Variants in TATDN1 observed in about 807,000 individuals in gnomAD.
TATDN1 encodes the protein TatD DNase domain containing 1, also known as deoxyribonuclease TATDN1.
A neutral mutation model predicts 46.4 loss-of-function variants in TATDN1; 40 were observed. The observed-to-expected ratio is 0.86, with a 90% CI of 0.67 to 1.12. The LOEUF (loss-of-function observed/expected upper bound fraction) is 1.12, where lower values mean the gene tolerates loss of function less well. Among genes scored for constraint, TATDN1 ranks in the 50% most tolerant of loss-of-function variants. TATDN1 has a pLI of 0.00. For synonymous variants in TATDN1, 95 were observed against 105.6 expected (o/e 0.90, Z 0.62); for missense variants, 326 against 348.4 (o/e 0.94, Z 0.51).
intron 11 of TATDN1, among the ~76,000 whole-genome samples, chr8:124,492,772 AG>A (rs1297451673): frequency 6.6e-6 from 1 of 151,162 alleles, no homozygotes; most frequent in Non-Finnish European, 1.5e-5. Context: ...AAAAAAAAAA[AG>A]ATTTAGAAAT....
intron 11 of TATDN1, chr8:124,489,766 CTTA>C (rs1254039761): frequency 6.6e-6 from 1 of 152,138 alleles, no homozygotes; most frequent in Admixed American, 6.5e-5. Flanking sequence ...TGTCTCCATA[CTTA>C]TTATATATAA....
chr8:124,499,837 C>A (rs1817794445), intron 9 of TATDN1, among the ~76,000 whole-genome samples: 1 of 151,352 alleles, frequency 6.6e-6, no homozygotes, highest in Non-Finnish European at 1.5e-5. Flanking sequence ...AGTCACTGCG[C>A]CCGGCCCCCA....
chr8:124,538,169 T>G lies in TATDN1; in HGVS notation c.22+856A>C, dbSNP rs185409091. On this transcript the variant is annotated intron_variant, in intron 1 of 11. Coordinates refer to ENST00000276692, the MANE Select transcript of TATDN1 (RefSeq NM_032026.4). The stretch of plus-strand genomic sequence containing the variant: ...GTACTTTTCCAAACCCTGAGTCATC[T>G]TTGTTCACTCTCTACTACCGGCCAT... 1.5e-3 allele frequency among the ~76,000 whole-genome samples: 225 copies of G among 152,344 alleles called. 2 individuals are homozygous for G. Among genetic ancestry groups the G allele is most frequent in the Non-Finnish European group, 3.1e-4 (21 of 68,024 alleles).
chr8:124,523,985 C>G (rs1187038560), intron 1 of TATDN1, among the ~76,000 whole-genome samples: 1 of 152,166 alleles, frequency 6.6e-6, no homozygotes, highest in Non-Finnish European at 1.5e-5. Context: ...AAATGCCTCC[C>G]TTATTGAAAA....
At chr8:124,538,164 T>C (rs1163386312) in intron 1 of TATDN1, among the ~76,000 whole-genome samples, 1 of 152,122 alleles carries the variant, frequency 6.6e-6, no homozygotes, top group Non-Finnish European at 1.5e-5. Context: ...AAACCCTGAG[T>C]CATCTTTGTT....
intron 1 of TATDN1, chr8:124,538,577 T>G (rs1821702187): frequency 1.4e-5 from 3 of 218,246 alleles, no homozygotes; most frequent in Middle Eastern, 2.0e-3. Flanking sequence ...CCTAGGCCAG[T>G]GCCAGGCCCA....
intron 6 of TATDN1, among the ~76,000 whole-genome samples, chr8:124,513,704 A>T (rs1819221878): frequency 6.6e-6 from 1 of 152,226 alleles, no homozygotes; most frequent in Admixed American, 6.5e-5. Flanking sequence ...TGCATTTTAG[A>T]ATCAGTTCTA....
At chr8:124,526,542 C>A (rs1820516676) in intron 1 of TATDN1, 1 of 152,236 alleles carries the variant, frequency 6.6e-6, no homozygotes, top group African/African-American at 2.4e-5. Context: ...AAAATTGCTA[C>A]TTCTCATTAG....
intron 9 of TATDN1, 34 bp downstream of exon 9, chr8:124,504,237 A>C (rs1240050240): frequency 6.8e-7 from 1 of 1,480,432 alleles, no homozygotes; most frequent in African/African-American, 1.4e-5. Flanking sequence ...CTGCTTAAAT[A>C]AAAGTTAAAA....
intron 1 of TATDN1, among the ~76,000 whole-genome samples, chr8:124,524,934 G>A (rs1290877762): frequency 6.6e-6 from 1 of 152,038 alleles, no homozygotes; most frequent in Non-Finnish European, 1.5e-5. Flanking sequence ...GGATGAGAAA[G>A]GTCTATAGGT....
At chr8:124,523,123 G>A (rs1440860197) in intron 1 of TATDN1, 121 bp from the exon 2 acceptor site, 2 of 763,072 alleles carry the variant, frequency 2.6e-6, no homozygotes, top group East Asian at 2.5e-5. Context: ...CAATATCCAA[G>A]TGCCTACCAC....
intron 11 of TATDN1, chr8:124,491,682 C>G (rs893857828): frequency 6.6e-6 from 1 of 152,146 alleles, no homozygotes; most frequent in Non-Finnish European, 1.5e-5. Flanking sequence ...TCCTGTGTAG[C>G]CTTAGTAACT....
At chr8:124,522,231 C>A in intron 2 of TATDN1, 31 bp from the exon 3 acceptor site, 2 of 1,468,616 alleles carry the variant, frequency 1.4e-6, no homozygotes, top group Non-Finnish European at 1.9e-6. Context: ...ATTATGAAAA[C>A]CTGGCAGACA....
intron 3 of TATDN1, chr8:124,521,600 T>C (rs1485972018): frequency 1.3e-5 from 2 of 152,290 alleles, no homozygotes; most frequent in East Asian, 1.9e-4. Flanking sequence ...CCTGGTAGCA[T>C]AGTATGGAAT....
intron 1 of TATDN1, chr8:124,523,442 A>G (rs1051428186): frequency 3.1e-5 from 5 of 161,912 alleles, no homozygotes; most frequent in African/African-American, 1.2e-4. Context: ...TCAAGATGGG[A>G]AAGAGCACAG....
intron 6 of TATDN1, among the ~76,000 whole-genome samples, chr8:124,510,368 G>A (rs1818902979): frequency 6.6e-6 from 1 of 152,116 alleles, no homozygotes; most frequent in African/African-American, 2.4e-5. Context: ...ACAGCAGGCG[G>A]TACTCTTCAT....
chr8:124,496,789 T>C (rs930891800), intron 9 of TATDN1, among the ~76,000 whole-genome samples: 7 of 152,194 alleles, frequency 4.6e-5, no homozygotes, highest in African/African-American at 1.7e-4. Context: ...GAATTTAAGA[T>C]ACACATTAAA....
intron 1 of TATDN1, chr8:124,526,937 A>G (rs1820553500): frequency 6.6e-6 from 1 of 152,242 alleles, no homozygotes; most frequent in African/African-American, 2.4e-5. Context: ...AACAAGCTCA[A>G]TGACACTACT....
chr8:124,490,761 T>G (rs1816918851), intron 11 of TATDN1, among the ~76,000 whole-genome samples: 1 of 151,916 alleles, frequency 6.6e-6, no homozygotes, highest in Admixed American at 6.6e-5. Context: ...TTTGTTTTTT[T>G]TTTTTGAGAG....
Sources: allele counts gnomAD v4.1 joint callset (sites outside exome capture counted in the v4.1 genomes callset), GRCh38; gene constraint gnomAD v4.1.1; transcripts MANE v1.5; gene names NCBI Gene and HGNC (gene_info 2026-07-23, HGNC 2026-07-21).